The following FBN1 variants were observed in gnomAD, a reference collection of about 807,000 sequenced individuals.
FBN1 encodes the protein fibrillin 1, also known as fibrillin-1.
In FBN1, 29 loss-of-function variants were observed where a neutral mutation model predicts 365.1. That is an observed-to-expected ratio of 0.08 (90% CI 0.06 to 0.11). FBN1 has a LOEUF of 0.11. FBN1 is among the 10% of genes least tolerant of loss of function. FBN1 has a pLI of 1.00. For missense variants in FBN1, 2,476 were observed against 3,703.2 expected (o/e 0.67, Z 8.60); for synonymous variants, 1,210 against 1,270.5 (o/e 0.95, Z 1.01).
intron 6 of FBN1, among the ~76,000 whole-genome samples, chr15:48,544,451 CA>C (rs2044080521): frequency 6.6e-6 from 1 of 152,112 alleles, no homozygotes; most frequent in Non-Finnish European, 1.5e-5. Context: ...AGGAAAAAAA[CA>C]AAACCATTTC....
At chr15:48,617,173 T>A (rs996484330) in intron 2 of FBN1, among the ~76,000 whole-genome samples, 4 of 151,974 alleles carry the variant, frequency 2.6e-5, no homozygotes, top group African/African-American at 9.7e-5. Context: ...GGGGTTTTTT[T>A]TTGCTTTTTT....
chr15:48,622,244 G>C (rs1717432427), intron 2 of FBN1, among the ~76,000 whole-genome samples: 1 of 152,220 alleles, frequency 6.6e-6, no homozygotes, highest in Non-Finnish European at 1.5e-5. Flanking sequence ...CTTTGCTCTT[G>C]AGGATCTTAC....
intron 6 of FBN1, among the ~76,000 whole-genome samples, chr15:48,570,714 C>T (rs1740575903): frequency 6.6e-6 from 1 of 152,158 alleles, no homozygotes; most frequent in Non-Finnish European, 1.5e-5. Flanking sequence ...TTATTTAAAA[C>T]AAAAGAGCAA....
intron 30 of FBN1, 128 bp downstream of exon 30, chr15:48,485,246 G>A (rs987713632): frequency 4.0e-5 from 47 of 1,178,676 alleles, no homozygotes; most frequent in Non-Finnish European, 5.7e-5. Flanking sequence ...TCTTGATTAA[G>A]GATACAGTTA....
chr15:48,637,443 C>A (rs150640790), intron 2 of FBN1, among the ~76,000 whole-genome samples: 2 of 152,318 alleles, frequency 1.3e-5, no homozygotes, highest in East Asian at 3.9e-4. Context: ...AGGTTGCAAA[C>A]TGCACAGCTC....
At chr15:48,566,290 A>G (rs1172631409) in intron 6 of FBN1, among the ~76,000 whole-genome samples, 1 of 152,250 alleles carries the variant, frequency 6.6e-6, no homozygotes, top group Non-Finnish European at 1.5e-5. Context: ...AAAATGAAAT[A>G]TAAAGGACAA....
intron 2 of FBN1, 74 bp from the exon 3 acceptor site, chr15:48,613,166 A>G: frequency 8.6e-7 from 1 of 1,165,444 alleles, no homozygotes; most frequent in Non-Finnish European, 1.3e-6. Context: ...TAAAAGGAAA[A>G]AAAATTCCTG....
intron 53 of FBN1, among the ~76,000 whole-genome samples, chr15:48,436,437 C>T (rs2042747): frequency 0.66 from 100,721 of 151,920 alleles, 34,491 homozygotes; most frequent in Middle Eastern, 0.77. Context: ...AAATATGATC[C>T]TTGGATTTAA....
chr15:48,636,438 C>A (rs1449713724), intron 2 of FBN1, among the ~76,000 whole-genome samples: 1 of 152,144 alleles, frequency 6.6e-6, no homozygotes, highest in Non-Finnish European at 1.5e-5. Flanking sequence ...ACACATGTGA[C>A]CAGGGTCAGG....
At chr15:48,474,507 C>A (rs776593631) in intron 33 of FBN1, 21 bp downstream of exon 33, 6 of 1,613,882 alleles carry the variant, frequency 3.7e-6, no homozygotes, top group Non-Finnish European at 8.5e-7. Flanking sequence ...GATAAGCAAC[C>A]TCTGTTACTT....
At position 48,537,693 on chromosome 15, in the gene FBN1, G is replaced by C. The variant is rs375181377; in HGVS notation, c.654C>G (p.Gly218=). 4.6e-5 allele frequency: 75 copies of C among 1,614,086 alleles called. No homozygotes were observed. The highest frequency in any genetic ancestry group is 6.4e-5 in the Non-Finnish European group (75 of 1,180,038). ...LCCATVGRAW[G]HPCEMCPAQP... is the part of the protein sequence containing the mutation. ...GGGCAGGACACATCTCACAGGGGTG[G>C]CCCCAGGCTCGGCCGACTGTGGCAC... The change falls in exon 7 of 66, where the codon GGC becomes GGG. Residue 218 remains glycine (G), a synonymous_variant. Coordinates refer to ENST00000316623, the MANE Select transcript of FBN1 (RefSeq NM_000138.5).
intron 3 of FBN1, among the ~76,000 whole-genome samples, chr15:48,612,191 AC>A (rs2044661861): frequency 6.6e-6 from 1 of 152,204 alleles, no homozygotes; most frequent in Non-Finnish European, 1.5e-5. Flanking sequence ...AAACAGTTAA[AC>A]TTTTTCAGGT....
chr15:48,493,664 G>GGACTAATT (rs1262205805), intron 23 of FBN1, among the ~76,000 whole-genome samples: 1 of 152,072 alleles, frequency 6.6e-6, no homozygotes, highest in African/African-American at 2.4e-5. Context: ...CCCACATATG[G>GGACTAATT]GACTAATTGC....
intron 49 of FBN1, among the ~76,000 whole-genome samples, 175 bp downstream of exon 49, chr15:48,444,366 T>C (rs2043137821): frequency 6.6e-6 from 1 of 152,224 alleles, no homozygotes; most frequent in Admixed American, 6.5e-5. Context: ...GAGATTAGCA[T>C]GATAATTAGT....
chr15:48,417,248 CTTTTTTTTT>C (rs2042909205), intron 63 of FBN1, among the ~76,000 whole-genome samples: 1 of 151,418 alleles, frequency 6.6e-6, no homozygotes, highest in African/African-American at 2.4e-5. Context: ...TCTATTTTTT[CTTTTTTTTT>C]AAATTAGAAA....
At chr15:48,513,229 A>G (rs2043774777) in intron 13 of FBN1, among the ~76,000 whole-genome samples, 1 of 152,190 alleles carries the variant, frequency 6.6e-6, no homozygotes, top group Admixed American at 6.5e-5. Flanking sequence ...AATTTTCCTC[A>G]GTTGCTGTGT....
chr15:48,487,366 G>C lies in FBN1; in HGVS notation c.3409C>G (p.Arg1137Gly), dbSNP rs1439487763. The change falls in exon 28 of 66, where the codon CGC (arginine) becomes GGC (glycine). Residue 1137 changes from arginine to glycine, a missense_variant. This residue lies in a region of FBN1 where 1,780 missense variants were observed against 2,840.8 expected (regional missense o/e 0.63). Coordinates refer to ENST00000316623, the MANE Select transcript of FBN1 (RefSeq NM_000138.5). ...GVCHNTEGSY[R>G]CECPPGHQLS... ...TGATGGCCAGGCGGGCATTCACAGC[G>C]GTAACTTCCCTCTGTGTTATGGCAA... is the stretch of plus-strand genomic sequence containing the variant. 2.5e-6 allele frequency: 4 copies of C among 1,614,182 alleles called. No homozygotes were observed. The South Asian group carries it at 3.3e-5, about 13-fold the overall frequency.
chr15:48,623,653 G>C (rs1040353858), intron 2 of FBN1, among the ~76,000 whole-genome samples: 1 of 152,108 alleles, frequency 6.6e-6, no homozygotes, highest in African/African-American at 2.4e-5. Flanking sequence ...AGCCTCATGC[G>C]GCCAATTCCT....
At chr15:48,514,487 G>A (rs1379683255) in intron 12 of FBN1, among the ~76,000 whole-genome samples, 1 of 152,116 alleles carries the variant, frequency 6.6e-6, no homozygotes, top group Non-Finnish European at 1.5e-5. Context: ...TATAAAAGTA[G>A]AATTCATAAC....
Sources: allele counts gnomAD v4.1 joint callset (sites outside exome capture counted in the v4.1 genomes callset), GRCh38; gene constraint gnomAD v4.1.1; regional missense constraint gnomAD v4.1.1; transcripts MANE v1.5; gene names NCBI Gene and HGNC (gene_info 2026-07-23, HGNC 2026-07-21).